RAPGEF4: variants seen among roughly 807,000 people sequenced by gnomAD.
RAPGEF4 encodes Rap guanine nucleotide exchange factor 4.
Under a neutral mutation model 147.9 loss-of-function variants are expected in RAPGEF4, and 66 were observed. That is an observed-to-expected ratio of 0.45 (90% confidence interval 0.37 to 0.55). The LOEUF is 0.55. RAPGEF4 is among the 20% of genes least tolerant of loss of function. The pLI, the probability that RAPGEF4 is intolerant of heterozygous loss-of-function variation, is 0.00. For missense variants in RAPGEF4, 1,071 were observed against 1,257.3 expected (o/e 0.85, Z 2.24); for synonymous variants, 419 against 442.7 (o/e 0.95, Z 0.67).
intron 4 of RAPGEF4, among the ~76,000 whole-genome samples, chr2:172,864,490 C>T (rs755971406): frequency 2.0e-5 from 3 of 152,140 alleles, no homozygotes; most frequent in Admixed American, 6.5e-5. Context: ...CTCCAGTGTA[C>T]GTCCCCCGAT....
intron 10 of RAPGEF4, among the ~76,000 whole-genome samples, chr2:172,979,497 C>T (rs546669252): frequency 2.0e-5 from 3 of 152,350 alleles, no homozygotes; most frequent in South Asian, 4.1e-4. Flanking sequence ...GTATTATTCT[C>T]ATTTTACAGA....
intron 4 of RAPGEF4, among the ~76,000 whole-genome samples, chr2:172,882,237 C>G (rs549814312): frequency 6.6e-6 from 1 of 152,134 alleles, no homozygotes; most frequent in Non-Finnish European, 1.5e-5. Context: ...ACCGTTTCCC[C>G]GCTTCCATAT....
At chr2:172,759,701 G>A (rs1696113858) in intron 1 of RAPGEF4, among the ~76,000 whole-genome samples, 1 of 152,178 alleles carries the variant, frequency 6.6e-6, no homozygotes, top group Admixed American at 6.5e-5. Context: ...TTTCTGGTTT[G>A]TGCATACTTG....
At chr2:172,826,179 A>G (rs1689650924) in intron 4 of RAPGEF4, among the ~76,000 whole-genome samples, 1 of 152,188 alleles carries the variant, frequency 6.6e-6, no homozygotes, top group Non-Finnish European at 1.5e-5. Context: ...CCTCCCACAA[A>G]CATGCTTTAA....
chr2:172,829,196 C>T (rs1291009892), intron 4 of RAPGEF4, among the ~76,000 whole-genome samples: 1 of 152,228 alleles, frequency 6.6e-6, no homozygotes, highest in Non-Finnish European at 1.5e-5. Flanking sequence ...CATTTAGTTT[C>T]TCCTGGACTA....
intron 1 of RAPGEF4, among the ~76,000 whole-genome samples, chr2:172,777,498 G>A (rs144057065): frequency 6.6e-6 from 1 of 152,246 alleles, no homozygotes; most frequent in Non-Finnish European, 1.5e-5. Context: ...TGTCCACTCA[G>A]ATCACACTGT....
chr2:172,877,479 C>A (rs1696096911), intron 4 of RAPGEF4, among the ~76,000 whole-genome samples: 1 of 151,106 alleles, frequency 6.6e-6, no homozygotes, highest in African/African-American at 2.4e-5. Flanking sequence ...ACGTGTATAC[C>A]TATGTAACAA....
intron 24 of RAPGEF4, 49 bp downstream of exon 24, chr2:173,026,746 G>A (rs1444238625): frequency 1.2e-6 from 2 of 1,600,838 alleles, no homozygotes; most frequent in Middle Eastern, 1.7e-4. Context: ...CAAGGATAAA[G>A]GCTGCTGGCA....
chr2:172,785,415 C>T (rs942806723), intron 1 of RAPGEF4, among the ~76,000 whole-genome samples: 8 of 151,966 alleles, frequency 5.3e-5, no homozygotes, highest in South Asian at 2.1e-4. Context: ...ATGATGATGA[C>T]GACGGTGGTA....
At chr2:172,863,428 A>T (rs547355924) in intron 4 of RAPGEF4, among the ~76,000 whole-genome samples, 5 of 152,212 alleles carry the variant, frequency 3.3e-5, no homozygotes, top group Non-Finnish European at 7.3e-5. Flanking sequence ...CACAATCATC[A>T]AATAATAAGG....
chr2:172,831,266 C>CTTT lies in RAPGEF4; in HGVS notation c.444+16858_444+16860dup, dbSNP rs71018521. Among the ~76,000 whole-genome samples the CTTT allele has an allele frequency of 5.2e-4, 28 of 53,888 alleles. 3 individuals are homozygous for CTTT. Among genetic ancestry groups the CTTT allele is most frequent in the South Asian group, 4.6e-3 (6 of 1,298 alleles). The allele number at this position is 53,888 out of a possible 152,430, so 35.4% of individuals were successfully genotyped here. A position where few individuals can be genotyped will look rare whatever the true frequency, so the allele number is the denominator to read the frequency against. On this transcript the variant is annotated intron_variant, in intron 4 of 30. Transcript: ENST00000397081. Reference sequence around the variant, plus strand: ...AAATGTGACTGTTTCAGATAGAAAACTTTTTTTTTTTTTTTTTTTGAGACA... The same window carrying CTTT: ...AAATGTGACTGTTTCAGATAGAAAACTTTTTTTTTTTTTTTTTTTTTTGAGACA...
chr2:172,952,982 A>C (rs1221665363), intron 6 of RAPGEF4, among the ~76,000 whole-genome samples: 1 of 151,982 alleles, frequency 6.6e-6, no homozygotes, highest in African/African-American at 2.4e-5. Context: ...TAAGAGCAGT[A>C]CTCCAGAACA....
chr2:172,795,769 A>G (rs1468886499), intron 2 of RAPGEF4, among the ~76,000 whole-genome samples: 1 of 152,202 alleles, frequency 6.6e-6, no homozygotes, highest in Non-Finnish European at 1.5e-5. Context: ...AGAAGTCCTG[A>G]GGTAGAATGA....
At chr2:172,922,370 A>G in intron 6 of RAPGEF4, 70 bp downstream of exon 6, 1 of 1,413,010 alleles carries the variant, frequency 7.1e-7, no homozygotes, top group Admixed American at 1.7e-5. Context: ...TGGTAACCCT[A>G]CCAACAAAGA....
intron 4 of RAPGEF4, among the ~76,000 whole-genome samples, chr2:172,843,190 G>T (rs1691810031): frequency 6.6e-6 from 1 of 152,130 alleles, no homozygotes; most frequent in Admixed American, 6.6e-5. Flanking sequence ...ATAGAGACTG[G>T]AAAAAAGTGA....
At chr2:172,851,045 C>G (rs1297846372) in intron 4 of RAPGEF4, among the ~76,000 whole-genome samples, 5 of 152,126 alleles carry the variant, frequency 3.3e-5, no homozygotes, top group Non-Finnish European at 7.4e-5. Flanking sequence ...GGTTGTTAAT[C>G]TGAGATCTTT....
At chr2:172,874,510 G>C (rs954951696) in intron 4 of RAPGEF4, among the ~76,000 whole-genome samples, 3 of 151,748 alleles carry the variant, frequency 2.0e-5, no homozygotes, top group Non-Finnish European at 4.4e-5. Context: ...TTGGTTTTTT[G>C]TCCTTGCGAC....
intron 15 of RAPGEF4, among the ~76,000 whole-genome samples, chr2:172,994,054 A>G (rs1392560149): frequency 1.3e-5 from 2 of 152,226 alleles, no homozygotes; most frequent in African/African-American, 4.8e-5. Context: ...TGTGAAGCCA[A>G]CCTTCTAGTA....
chr2:172,750,791 A>C (rs990932548), intron 1 of RAPGEF4, among the ~76,000 whole-genome samples: 10 of 152,184 alleles, frequency 6.6e-5, no homozygotes, highest in African/African-American at 2.4e-4. Context: ...TCTTCTTTGG[A>C]AATATGTCTA....
Sources: allele counts gnomAD v4.1 joint callset (sites outside exome capture counted in the v4.1 genomes callset), GRCh38; gene constraint gnomAD v4.1.1; transcripts MANE v1.5; gene names NCBI Gene and HGNC (gene_info 2026-07-23, HGNC 2026-07-21).